Variants in RBM19 observed in about 807,000 individuals in gnomAD.
RBM19 encodes probable RNA-binding protein 19.
Under a neutral mutation model 116.8 loss-of-function variants are expected in RBM19, and 94 were observed. That is an observed-to-expected ratio of 0.80 (90% CI 0.68 to 0.95). The LOEUF (loss-of-function observed/expected upper bound fraction) is 0.95, where lower values mean the gene tolerates loss of function less well. Ranked by LOEUF, RBM19 falls within the 40% of genes least tolerant of loss-of-function variation. The pLI is 0.00. For synonymous variants in RBM19, 475 were observed against 494.1 expected (o/e 0.96, Z 0.51); for missense variants, 1,161 against 1,220.7 (o/e 0.95, Z 0.73).
chr12:113,868,899 A>G (rs1879026335), intron 21 of RBM19, among the ~76,000 whole-genome samples: 1 of 152,192 alleles, frequency 6.6e-6, no homozygotes. Context: ...GCGGAGCCAG[A>G]CTTTGGTTCA....
At chr12:113,848,578 C>T (rs1027019389) in intron 22 of RBM19, among the ~76,000 whole-genome samples, 3 of 152,060 alleles carry the variant, frequency 2.0e-5, no homozygotes, top group African/African-American at 4.8e-5. Flanking sequence ...GATGCAGGCC[C>T]GGGTCTCAAG....
intron 21 of RBM19, among the ~76,000 whole-genome samples, chr12:113,909,994 G>A (rs1882329412): frequency 6.6e-6 from 1 of 152,182 alleles, no homozygotes; most frequent in Non-Finnish European, 1.5e-5. Flanking sequence ...AGCATAGGAA[G>A]GGAGAGAAGT....
rs551069976 is a variant in RBM19, at chr12:113,936,880, G to C, written c.2068+127C>G. 2.4e-5 allele frequency: 30 copies of C among 1,272,026 alleles called. No individual in the cohort carries two copies. The African/African-American group carries it at 4.5e-4, about 19-fold the overall frequency. The allele number at this position is 1,272,026 out of a possible 1,614,324, so 78.8% of individuals were successfully genotyped here. A position where few individuals can be genotyped will look rare whatever the true frequency, so the allele number is the denominator to read the frequency against. On this transcript the variant is annotated intron_variant, in intron 16 of 23. Coordinates refer to ENST00000261741, the MANE Select transcript of RBM19 (RefSeq NM_016196.4). Reference sequence around the variant, plus strand: ...CATAAAATCTGAGAGTCTGAGCCCTGCTGGTCTCTAGCATGAACAAAGAGC... The same window carrying C: ...CATAAAATCTGAGAGTCTGAGCCCTCCTGGTCTCTAGCATGAACAAAGAGC...
intron 22 of RBM19, among the ~76,000 whole-genome samples, chr12:113,852,272 TGAGTCTTGGCCAC>T (rs1240013286): frequency 1.3e-5 from 2 of 152,138 alleles, no homozygotes; most frequent in Non-Finnish European, 2.9e-5. Context: ...GTCCTGGCAC[TGAGTCTTGGCCAC>T]AAGGGCTGCT....
intron 23 of RBM19, among the ~76,000 whole-genome samples, chr12:113,827,797 A>T (rs978480978): frequency 6.6e-6 from 1 of 151,930 alleles, no homozygotes; most frequent in Admixed American, 6.5e-5. Flanking sequence ...AGCTGCCAGG[A>T]TCAAACCCTG....
intron 1 of RBM19, among the ~76,000 whole-genome samples, chr12:113,962,810 C>T (rs189281720): frequency 1.3e-5 from 2 of 152,142 alleles, no homozygotes; most frequent in African/African-American, 4.8e-5. Context: ...TTAATAAAGC[C>T]CCCCCAAAAG....
downstream of RBM19, among the ~76,000 whole-genome samples, chr12:113,821,118 G>A (rs914461112): frequency 2.0e-5 from 3 of 152,304 alleles, no homozygotes; most frequent in East Asian, 1.9e-4. Context: ...CGAGGCTCAC[G>A]AGGCTGGAGA....
intron 21 of RBM19, among the ~76,000 whole-genome samples, chr12:113,914,303 G>A (rs568667666): frequency 6.6e-6 from 1 of 152,342 alleles, no homozygotes; most frequent in South Asian, 2.1e-4. Context: ...GCCTGCTGCC[G>A]TTACCGGCTG....
intron 21 of RBM19, among the ~76,000 whole-genome samples, chr12:113,865,228 C>T (rs1878712336): frequency 6.6e-6 from 1 of 152,180 alleles, no homozygotes; most frequent in Non-Finnish European, 1.5e-5. Context: ...ATGCTTACCT[C>T]AGGGCCTTTG....
intron 7 of RBM19, 24 bp downstream of exon 7, chr12:113,955,107 C>T (rs751256820): frequency 6.2e-7 from 1 of 1,612,334 alleles, no homozygotes; most frequent in Middle Eastern, 1.7e-4. Flanking sequence ...AGGCTGCCGA[C>T]CCTTGTCCTC....
intron 16 of RBM19, among the ~76,000 whole-genome samples, chr12:113,934,092 C>T (rs12318011): frequency 0.071 from 10,857 of 152,188 alleles, 1,282 homozygotes; most frequent in African/African-American, 0.25. Flanking sequence ...GCTGGGACTA[C>T]AAGGCATGCA....
At chr12:113,849,746 C>T (rs1877303084) in intron 22 of RBM19, among the ~76,000 whole-genome samples, 1 of 152,188 alleles carries the variant, frequency 6.6e-6, no homozygotes, top group Admixed American at 6.5e-5. Flanking sequence ...AAACGAACGT[C>T]ACAGAAGAGA....
At chr12:113,925,698 A>G (rs145718510) in intron 17 of RBM19, among the ~76,000 whole-genome samples, 67 of 152,082 alleles carry the variant, frequency 4.4e-4, no homozygotes, top group African/African-American at 1.6e-3. Context: ...GTCTCCAGCC[A>G]TGTTGCATGA....
chr12:113,921,218 G>A (rs1369170162), intron 18 of RBM19, among the ~76,000 whole-genome samples: 3 of 152,164 alleles, frequency 2.0e-5, no homozygotes, highest in Non-Finnish European at 4.4e-5. Flanking sequence ...TTACTTCTAG[G>A]TTGCAAGTAG....
At chr12:113,950,185 T>A (rs760489352) in intron 8 of RBM19, 31 bp from the exon 9 acceptor site, 1 of 1,530,502 alleles carries the variant, frequency 6.5e-7, no homozygotes, top group Non-Finnish European at 9.0e-7. Context: ...AGGTAAAATC[T>A]GCAGGCCTTG....
chr12:113,871,292 C>T (rs1012240222), intron 21 of RBM19, among the ~76,000 whole-genome samples: 3 of 152,252 alleles, frequency 2.0e-5, no homozygotes. Flanking sequence ...GGCCCAGCCA[C>T]TGAAAGCCTA....
chr12:113,889,921 C>G (rs1223752436), intron 21 of RBM19, among the ~76,000 whole-genome samples: 1 of 151,842 alleles, frequency 6.6e-6, no homozygotes, highest in African/African-American at 2.4e-5. Context: ...AAGGCGTAAT[C>G]GATCAGAGAG....
At chr12:113,926,786 G>A (rs1367139216) in intron 17 of RBM19, among the ~76,000 whole-genome samples, 1 of 152,028 alleles carries the variant, frequency 6.6e-6, no homozygotes, top group African/African-American at 2.4e-5. Flanking sequence ...CATATTACAC[G>A]GTCTCCCGAA....
intron 23 of RBM19, 52 bp from the exon 24 acceptor site, chr12:113,823,373 G>T: frequency 6.6e-7 from 1 of 1,522,492 alleles, no homozygotes. Flanking sequence ...GAGAGGGTTG[G>T]GAGGCAGGAA....
Sources: allele counts gnomAD v4.1 joint callset (sites outside exome capture counted in the v4.1 genomes callset), GRCh38; gene constraint gnomAD v4.1.1; transcripts MANE v1.5; gene names NCBI Gene and HGNC (gene_info 2026-07-23, HGNC 2026-07-21).